PRKCA: variants seen among roughly 807,000 people sequenced by gnomAD.
PRKCA encodes protein kinase C alpha type.
A neutral mutation model predicts 87.0 loss-of-function variants in PRKCA; 27 were observed. The ratio of observed to expected loss-of-function variants is 0.31; its 90% CI spans 0.23 to 0.43. The LOEUF (loss-of-function observed/expected upper bound fraction) is 0.43, where lower values mean the gene tolerates loss of function less well. Ranked by LOEUF, PRKCA falls within the 20% of genes least tolerant of loss-of-function variation. The pLI is 1.00. For missense variants in PRKCA, 518 were observed against 852.3 expected, an observed-to-expected ratio of 0.61 and a Z score of 4.88; for synonymous variants, 329 against 311.1, an observed-to-expected ratio of 1.06 and a Z score of -0.61.
chr17:66,613,180 A>G (rs1567931594), intron 3 of PRKCA, among the ~76,000 whole-genome samples: 2 of 152,202 alleles, frequency 1.3e-5, no homozygotes, highest in South Asian at 2.1e-4. Flanking sequence ...CAACAGATGC[A>G]GCGGAGCCTT....
At chr17:66,639,716 G>C (rs1971239521) in intron 3 of PRKCA, among the ~76,000 whole-genome samples, 1 of 152,096 alleles carries the variant, frequency 6.6e-6, no homozygotes, top group African/African-American at 2.4e-5. Context: ...AACAGAGGAG[G>C]CTGGGCGCGG....
intron 3 of PRKCA, among the ~76,000 whole-genome samples, chr17:66,539,087 C>T (rs569521563): frequency 1.2e-4 from 19 of 152,360 alleles, no homozygotes; most frequent in African/African-American, 4.3e-4. Flanking sequence ...CATCTGTTCA[C>T]AGGCAAATGT....
chr17:66,659,633 C>G (rs1971835708), intron 5 of PRKCA, among the ~76,000 whole-genome samples: 1 of 152,108 alleles, frequency 6.6e-6, no homozygotes, highest in Non-Finnish European at 1.5e-5. Flanking sequence ...ACTTTGGTCC[C>G]AACTACTCAG....
chr17:66,770,333 G>C (rs564839396), intron 13 of PRKCA, among the ~76,000 whole-genome samples: 2 of 152,336 alleles, frequency 1.3e-5, no homozygotes, highest in African/African-American at 4.8e-5. Context: ...AATCTTCCAT[G>C]TAAACATTTG....
At chr17:66,629,364 C>A (rs190033345) in intron 3 of PRKCA, among the ~76,000 whole-genome samples, 58 of 152,276 alleles carry the variant, frequency 3.8e-4, no homozygotes, top group African/African-American at 1.1e-3. Flanking sequence ...TCCCTACTAC[C>A]AAAGAGTGGA....
chr17:66,413,842 C>T (rs1444580889), intron 2 of PRKCA, among the ~76,000 whole-genome samples: 2 of 151,938 alleles, frequency 1.3e-5, no homozygotes, highest in African/African-American at 2.4e-5. Flanking sequence ...GGCAATACCC[C>T]GTCTCTACTA....
At chr17:66,504,825 C>G (rs2244497) in intron 3 of PRKCA, among the ~76,000 whole-genome samples, 1 of 151,924 alleles carries the variant, frequency 6.6e-6, no homozygotes, top group African/African-American at 2.4e-5. Context: ...ATGGGAGTTA[C>G]GTCTCTTGCC....
intron 2 of PRKCA, among the ~76,000 whole-genome samples, chr17:66,337,099 C>T (rs1416034797): frequency 6.6e-6 from 1 of 151,896 alleles, no homozygotes; most frequent in Non-Finnish European, 1.5e-5. Flanking sequence ...CCAGACGTGC[C>T]TTCTTTATTG....
At chr17:66,741,638 G>A (rs754111106) in intron 11 of PRKCA, 21 bp from the exon 12 acceptor site, 1 of 1,613,754 alleles carries the variant, frequency 6.2e-7, no homozygotes, top group African/African-American at 1.3e-5. Flanking sequence ...TGAGAAACCT[G>A]AAGCCCGTTT....
At chr17:66,618,974 C>T (rs937737259) in intron 3 of PRKCA, among the ~76,000 whole-genome samples, 1 of 152,110 alleles carries the variant, frequency 6.6e-6, no homozygotes, top group Non-Finnish European at 1.5e-5. Flanking sequence ...AGGGGGAACC[C>T]ATATAAGTAA....
chr17:66,637,236 C>G (rs1363941723), intron 3 of PRKCA, among the ~76,000 whole-genome samples: 1 of 152,208 alleles, frequency 6.6e-6, no homozygotes, highest in Non-Finnish European at 1.5e-5. Context: ...CACCCTGGGG[C>G]TGCCTGGCAT....
intron 5 of PRKCA, among the ~76,000 whole-genome samples, chr17:66,686,239 C>T (rs1306450204): frequency 1.3e-5 from 2 of 152,154 alleles, no homozygotes; most frequent in African/African-American, 4.8e-5. Flanking sequence ...AGCCTGTTTT[C>T]CTCTGTGGAT....
chr17:66,757,312 G>C (rs1974571329), intron 13 of PRKCA, among the ~76,000 whole-genome samples: 1 of 151,978 alleles, frequency 6.6e-6, no homozygotes, highest in Non-Finnish European at 1.5e-5. Flanking sequence ...GGAGACGTAA[G>C]AGAGAAAGAA....
chr17:66,347,941 C>CTTTTTTTTTTTTTTTTTTT (rs57292153), intron 2 of PRKCA, among the ~76,000 whole-genome samples: 606 of 56,448 alleles, frequency 0.011, 213 homozygotes, highest in Non-Finnish European at 0.016. Flanking sequence ...AATTCTGAAC[C>CTTTTTTTTTTTTTTTTTTT]TTTTTTTTTT....
intron 13 of PRKCA, among the ~76,000 whole-genome samples, chr17:66,770,413 A>G (rs913487337): frequency 5.9e-5 from 9 of 152,180 alleles, no homozygotes; most frequent in Middle Eastern, 3.2e-3. Flanking sequence ...TATATAGTCA[A>G]TCTGTCTTTA....
intron 3 of PRKCA, among the ~76,000 whole-genome samples, chr17:66,544,252 G>A (rs1202274362): frequency 6.6e-6 from 1 of 151,760 alleles, no homozygotes; most frequent in African/African-American, 2.4e-5. Context: ...ATTTCTCATG[G>A]CCACTTAGTT....
At chr17:66,640,651 T>A (rs1397251681) in intron 3 of PRKCA, among the ~76,000 whole-genome samples, 2 of 152,214 alleles carry the variant, frequency 1.3e-5, no homozygotes, top group Non-Finnish European at 2.9e-5. Context: ...TTTAGGGTTG[T>A]TCCGTTCACT....
At chr17:66,368,382 ATATATTTTTTTTTTT>A (rs1908881048) in intron 2 of PRKCA, among the ~76,000 whole-genome samples, 1 of 34,570 alleles carries the variant, frequency 2.9e-5, no homozygotes, top group Non-Finnish European at 5.8e-5. Context: ...ATATATATAT[ATATATTTTTTTTTTT>A]TTTTTTTTTT....
chr17:66,574,625 A>T (rs9913881), intron 3 of PRKCA, among the ~76,000 whole-genome samples: 90,800 of 151,544 alleles, frequency 0.6, 28,509 homozygotes, highest in African/African-American at 0.8. Context: ...TGTTCTAAAA[A>T]CCAAAACTCA....
Sources: gnomAD v4.1 joint callset for allele counts (sites outside exome capture counted in the v4.1 genomes callset) on GRCh38, gnomAD v4.1.1 for gene constraint, MANE v1.5 for transcripts, NCBI Gene and HGNC (gene_info 2026-07-23, HGNC 2026-07-21) for gene names.